Variants in KMT2D observed in about 807,000 individuals in gnomAD.
KMT2D encodes histone-lysine N-methyltransferase 2D.
KMT2D carries 55 observed loss-of-function variants against 512.7 expected under a neutral mutation model. The ratio of observed to expected loss-of-function variants is 0.11; its 90% CI spans 0.09 to 0.13. The LOEUF is 0.13. Ranked by LOEUF, KMT2D falls within the 10% of genes least tolerant of loss-of-function variation. The pLI is 1.00. For synonymous variants in KMT2D, 2,995 were observed against 2,904.0 expected (o/e 1.03, Z -1.01); for missense variants, 6,061 against 7,127.9 (o/e 0.85, Z 5.39).
At chr12:49,035,157 C>T (rs556278293) in intron 35 of KMT2D, among the ~76,000 whole-genome samples, 6 of 152,128 alleles carry the variant, frequency 3.9e-5, no homozygotes, top group South Asian at 2.1e-4. Context: ...AAAGGGGCTC[C>T]GTAAATATTT....
In KMT2D at chr12:49,033,858, A is replaced by G. The variant is rs765596348; in HGVS notation, c.10847T>C (p.Val3616Ala). 7.7e-6 allele frequency: 12 copies of G among 1,556,866 alleles called. No homozygotes were observed. Among genetic ancestry groups the G allele is most frequent in the Middle Eastern group, 1.7e-4 (1 of 5,874 alleles). ...ACTCTGGGAAGGGCTGAGAGCCAGC[A>G]CAGCTGAGTGCTGTTGCTGTTGTTG... ...QQQQQQQHSA[V>A]LALSPSQSPR... is the part of the protein sequence containing the mutation. The change falls in exon 40 of 55, where the codon GTG (valine) becomes GCG (alanine). Residue 3616 changes from valine to alanine, a missense_variant. Coordinates refer to ENST00000301067, the MANE Select transcript of KMT2D (RefSeq NM_003482.4).
chr12:49,038,504 T>G lies in KMT2D; in HGVS notation c.8852A>C (p.His2951Pro). 6.2e-7 allele frequency: 1 copy of G among 1,606,016 alleles called. No homozygotes were observed. Among genetic ancestry groups the G allele is most frequent in the East Asian group, 2.2e-5 (1 of 44,688 alleles). ...AGTTGGCAGGGTAGGACCCTTGGTG[T>G]GGGGTGTTGGATGAAGACTGTTGTT... ...ELNNSLHPTPHTKGPTLPTGL... is the reference protein window; with the variant it reads ...ELNNSLHPTPPTKGPTLPTGL... Residue 2951 changes from histidine (H) to proline (P), a missense_variant, in exon 35 of 55, where the codon CAC becomes CCC. His to Pro is a moderately conservative substitution (Grantham distance 77, BLOSUM62 -2). This residue lies in a region of KMT2D where 527 missense variants were observed against 578.9 expected (regional missense o/e 0.91). Transcript: ENST00000301067. The surrounding 1 kb of genome is among the most constrained non-coding windows in gnomAD (Gnocchi z 5.7).
rs377539949 is a variant in KMT2D, at chr12:49,041,996, G to T, written c.6110-6C>A. On this transcript the variant is annotated splice_polypyrimidine_tract_variant and splice_region_variant and intron_variant, in intron 29 of 54. Transcript: ENST00000301067. The surrounding 1 kb of genome is among the most constrained non-coding windows in gnomAD (Gnocchi z 5.4). The stretch of plus-strand genomic sequence containing the variant: ...TTTGCAACGGCTTGACCAGTCTGGA[G>T]GGCAGAGAGAGTGAGTCAGAGAAGA... 4 of 1,612,408 alleles carry T rather than the reference G, an allele frequency of 2.5e-6. No individual in the cohort carries two copies. The highest frequency in any genetic ancestry group is 1.3e-5 in the African/African-American group (1 of 75,012).
chr12:49,049,217 C>T lies in KMT2D; in HGVS notation c.3908G>A (p.Gly1303Asp). ...SSPARSRIKQ[G>D]RSSSFPGRRR... ...TCTTCCTGGGAAACTGCTGCTGCGA[C>T]CCTGAGTGAAAGAAGGGGACAATGA... Residue 1303 changes from glycine (G) to aspartate (D), a missense_variant and splice_region_variant, in exon 13 of 55, where the codon GGT becomes GAT. Coordinates refer to ENST00000301067, the MANE Select transcript of KMT2D (RefSeq NM_003482.4). 1 of 1,591,072 alleles carries T rather than the reference C, an allele frequency of 6.3e-7. No homozygotes were observed.
intron 1 of KMT2D, among the ~76,000 whole-genome samples, chr12:49,056,672 G>A (rs1480198619): frequency 9.2e-5 from 14 of 152,092 alleles, no homozygotes; most frequent in Non-Finnish European, 7.4e-5. Flanking sequence ...TTCATCTCTC[G>A]CCTTTTCCAC....
Position 49,042,132 on chromosome 12 carries a change from G to A in KMT2D, c.6066C>T (p.Leu2022=), listed in dbSNP as rs776554261. The A allele has an allele frequency of 5.6e-6, 9 of 1,613,512 alleles. No homozygotes were observed. In the Admixed American group the frequency reaches 8.3e-5, roughly 15 times the overall value. ...LGQLSTISPV[L]YANINFPNLK... is the part of the protein sequence containing the mutation. ...GATTAGGAAAATTAATGTTGGCATA[G>A]AGCACAGGTGAGATGGTGGACAGCT... The change falls in exon 29 of 55, where the codon CTC becomes CTT. Residue 2022 remains leucine (L), a synonymous_variant. Transcript: ENST00000301067. This position sits in a 1 kb window ranked among gnomAD's most constrained non-coding sequence, Gnocchi z 4.4.
In KMT2D at chr12:49,044,526, C is replaced by T. The variant is rs780452605; in HGVS notation, c.4964-4G>A. On this transcript the variant is annotated splice_region_variant and splice_polypyrimidine_tract_variant and intron_variant, in intron 20 of 54. Coordinates refer to ENST00000301067, the MANE Select transcript of KMT2D (RefSeq NM_003482.4). The surrounding 1 kb of genome is among the most constrained non-coding windows in gnomAD (Gnocchi z 6.4). ...CACTCCATGTGCTCCACACCACCTG[C>T]GTATGGTGACAGAAGAGATGGAGGC... is the stretch of plus-strand genomic sequence containing the variant. 4.3e-6 allele frequency: 7 copies of T among 1,613,488 alleles called. No individual in the cohort carries two copies. The highest frequency in any genetic ancestry group is 3.3e-4 in the Middle Eastern group (2 of 6,082).
At position 49,039,759 on chromosome 12, in the gene KMT2D, C is replaced by T. The variant is rs762567167; in HGVS notation, c.8011G>A (p.Gly2671Ser). The T allele has an allele frequency of 4.3e-5, 70 of 1,613,596 alleles. No individual in the cohort carries two copies. The highest frequency in any genetic ancestry group is 5.2e-5 in the Non-Finnish European group (61 of 1,179,862). ...LPGTQDPGMS[G>S]LSQTELEKQR... The stretch of plus-strand genomic sequence containing the variant: ...TTCTCCAGCTCTGTTTGGCTAAGGC[C>T]GGACATGCCTGGGTCCTGGGTACCT... Residue 2671 changes from glycine to serine, a missense_variant, in exon 32 of 55, where the codon GGC becomes AGC. Around this residue, in one of 16 missense-constraint regions of KMT2D, gnomAD observed 527 missense variants for 578.9 expected, o/e 0.91. Coordinates refer to ENST00000301067, the MANE Select transcript of KMT2D (RefSeq NM_003482.4). The surrounding 1 kb of genome is among the most constrained non-coding windows in gnomAD (Gnocchi z 5.0).
At position 49,021,756 on chromosome 12, in the gene KMT2D, C is replaced by G; in HGVS notation, c.*24G>C. On this transcript the variant is annotated 3_prime_UTR_variant, in exon 55 of 55. Transcript: ENST00000301067. ...AAGAGGTTGTGGGTAGGGGGACTCC[C>G]CTGCCTGGTAGCCTCAAAGCTTCTT... 1 of 1,585,352 alleles carries G rather than the reference C, an allele frequency of 6.3e-7. No homozygotes were observed. Among genetic ancestry groups the G allele is most frequent in the Non-Finnish European group, 8.7e-7 (1 of 1,154,076 alleles).
chr12:49,026,114 T>C lies in KMT2D; in HGVS notation c.15784+68A>G. ...GAAGCTACAGGTCCTCTTATAGACA[T>C]TGTAACAGTGACCCTGGGAGAAACT... On this transcript the variant is annotated intron_variant, in intron 49 of 54. Coordinates refer to ENST00000301067, the MANE Select transcript of KMT2D (RefSeq NM_003482.4). The surrounding 1 kb of genome is among the most constrained non-coding windows in gnomAD (Gnocchi z 9.6). 7 of 1,434,552 alleles carry C rather than the reference T, an allele frequency of 4.9e-6. No individual in the cohort carries two copies. The highest frequency in any genetic ancestry group is 2.7e-5 in the South Asian group (2 of 72,902). 88.9% of individuals were successfully genotyped at this position (1,434,552 alleles called of 1,614,324 possible).
chr12:49,058,199 A>C (rs2120727585), intron 1 of KMT2D, among the ~76,000 whole-genome samples: 1 of 152,142 alleles, frequency 6.6e-6, no homozygotes, highest in East Asian at 1.9e-4. Context: ...GACCCTCTGA[A>C]CTGTGTCCCT....
rs12315734 is a variant in KMT2D at position 49,020,240 on chromosome 12, T to C, written c.*1540A>G. On this transcript the variant is annotated 3_prime_UTR_variant, in exon 55 of 55. Transcript: ENST00000301067. ...CCAACTATACAACAGGGGGTGGGAA[T>C]TGCCCAGCCTCTATACCCCCATCTT... 5,816 of 173,960 alleles carry C rather than the reference T, an allele frequency of 0.033. 370 individuals are homozygous for C. The highest frequency in any genetic ancestry group is 0.13 in the African/African-American group (5,380 of 42,038). 10.8% of individuals were successfully genotyped at this position (173,960 alleles called of 1,614,324 possible). A position where few individuals can be genotyped will look rare whatever the true frequency, so the allele number is the denominator to read the frequency against.
Position 49,041,545 on chromosome 12 carries a change from G to A in KMT2D, c.6235-10C>T, listed in dbSNP as rs772454314. ...TCTGGCTCTCAGCCTGCTACAGGGG[G>A]AGACCAGGCATAGGGCAGTCAGGCT... On this transcript the variant is annotated splice_polypyrimidine_tract_variant and intron_variant, in intron 31 of 54. Coordinates refer to ENST00000301067, the MANE Select transcript of KMT2D (RefSeq NM_003482.4). The surrounding 1 kb of genome is among the most constrained non-coding windows in gnomAD (Gnocchi z 5.4). The A allele has an allele frequency of 1.9e-6, 3 of 1,613,302 alleles. No homozygotes were observed. The highest frequency in any genetic ancestry group is 2.5e-6 in the Non-Finnish European group (3 of 1,179,552).
rs1157863753 is a variant in KMT2D, at chr12:49,042,618, G to A, written c.5810C>T (p.Ser1937Phe). 6.2e-7 allele frequency: 1 copy of A among 1,613,836 alleles called. No homozygotes were observed. The highest frequency in any genetic ancestry group is 1.1e-5 in the South Asian group (1 of 91,082). ...TGGGTAGGAGTCCATTGGGCTGCTGGAGGGCAGATTGCCCAAAGGGAGTCC... is the reference window on the plus strand; with the variant it reads ...TGGGTAGGAGTCCATTGGGCTGCTGAAGGGCAGATTGCCCAAAGGGAGTCC... ...QGGLPLGNLP[S>F]SSPMDSYPGL... The change falls in exon 28 of 55, where the codon TCC becomes TTC. Residue 1937 changes from serine to phenylalanine, a missense_variant. Coordinates refer to ENST00000301067, the MANE Select transcript of KMT2D (RefSeq NM_003482.4). This position sits in a 1 kb window ranked among gnomAD's most constrained non-coding sequence, Gnocchi z 4.4.
In KMT2D at chr12:49,052,677, G is replaced by C. The variant is rs753213085; in HGVS notation, c.1145C>G (p.Thr382Ser). 6.2e-7 allele frequency: 1 copy of C among 1,613,658 alleles called. No homozygotes were observed. Among genetic ancestry groups the C allele is most frequent in the Non-Finnish European group, 8.5e-7 (1 of 1,179,772 alleles). The stretch of plus-strand genomic sequence containing the variant: ...AACGTACAGAGCATCGGGCTCGTCA[G>C]TGGGGGTATCGCCAGGCTCTGGGGG... ...FSPPEPGDTP[T>S]DEPDALYVAC... is the part of the protein sequence containing the mutation. The change falls in exon 10 of 55, where the codon ACT becomes AGT. Residue 382 changes from threonine to serine, a missense_variant. This residue lies in a region of KMT2D where 848 missense variants were observed against 838.5 expected (regional missense o/e 1.01). Coordinates refer to ENST00000301067, the MANE Select transcript of KMT2D (RefSeq NM_003482.4).
chr12:49,052,189 A>C lies in KMT2D; in HGVS notation c.1494T>G (p.Pro498=). 1 of 1,613,502 alleles carries C rather than the reference A, an allele frequency of 6.2e-7. No homozygotes were observed. Among genetic ancestry groups the C allele is most frequent in the Non-Finnish European group, 8.5e-7 (1 of 1,179,676 alleles). The part of the protein sequence containing the change: ...PLEESPLSPP[P]EESPLSPPPE... ...GTGGGGGAGACAGAGGAGACTCCTC[A>C]GGCGGCGGAGAGAGGGGCGATTCCT... The change falls in exon 11 of 55, where the codon CCT becomes CCG. Residue 498 remains proline (P), a synonymous_variant. Coordinates refer to ENST00000301067, the MANE Select transcript of KMT2D (RefSeq NM_003482.4).
chr12:49,048,629 T>G lies in KMT2D; in HGVS notation c.4131+30A>C. On this transcript the variant is annotated intron_variant, in intron 14 of 54. Transcript: ENST00000301067. ...TCACCAAACACACACATACACAATGTTCAGTGTGCCAGGTCTCACTGTATG... is the reference window on the plus strand; with the variant it reads ...TCACCAAACACACACATACACAATGGTCAGTGTGCCAGGTCTCACTGTATG... 4 of 1,407,488 alleles carry G rather than the reference T, an allele frequency of 2.8e-6. No individual in the cohort carries two copies. In the African/African-American group the frequency reaches 5.6e-5, roughly 20 times the overall value. The allele number at this position is 1,407,488 out of a possible 1,614,324, so 87.2% of individuals were successfully genotyped here.
At position 49,043,183 on chromosome 12, in the gene KMT2D, G is replaced by A. The variant is rs776392578; in HGVS notation, c.5537C>T (p.Pro1846Leu). 2 of 1,613,636 alleles carry A rather than the reference G, an allele frequency of 1.2e-6. No individual in the cohort carries two copies. Among genetic ancestry groups the A allele is most frequent in the Non-Finnish European group, 1.7e-6 (2 of 1,179,604 alleles). ...GLEGKADTPG[P>L]EDGGVKASPV... Reference sequence around the variant, plus strand: ...GGATGCCTTCACGCCCCCATCCTCAGGTCCTGTAAATGCCAGGAGAAACCC... The same window carrying A: ...GGATGCCTTCACGCCCCCATCCTCAAGTCCTGTAAATGCCAGGAGAAACCC... The change falls in exon 26 of 55, where the codon CCT (proline) becomes CTT (leucine). Residue 1846 changes from proline to leucine, a missense_variant. By Grantham distance (98) the Pro-to-Leu change is moderately conservative. Around this residue, in one of 16 missense-constraint regions of KMT2D, gnomAD observed 640 missense variants for 814.3 expected, o/e 0.79. Transcript: ENST00000301067.
intron 39 of KMT2D, 39 bp from the exon 40 acceptor site, chr12:49,034,003 C>G: frequency 6.4e-7 from 1 of 1,559,842 alleles, no homozygotes; most frequent in Non-Finnish European, 8.7e-7. Flanking sequence ...CTGGGGCATG[C>G]TCCCCCCATG....
Sources: allele counts gnomAD v4.1 joint callset (sites outside exome capture counted in the v4.1 genomes callset), GRCh38; gene constraint gnomAD v4.1.1; regional missense constraint gnomAD v4.1.1; non-coding constraint Gnocchi (gnomAD v3.1); transcripts MANE v1.5; gene names NCBI Gene and HGNC (gene_info 2026-07-23, HGNC 2026-07-21).